Variants in PRAG1 observed in about 807,000 individuals in gnomAD.
PRAG1 encodes PEAK1 related, kinase-activating pseudokinase 1.
In PRAG1, 110 loss-of-function variants were observed where a neutral mutation model predicts 95.6. The observed-to-expected ratio is 1.15, with a 90% CI of 0.99 to 1.35. The LOEUF (loss-of-function observed/expected upper bound fraction) is 1.35, where lower values mean the gene tolerates loss of function less well. PRAG1 is among the 40% of genes most tolerant of loss of function. PRAG1 has a pLI of 0.00. For missense variants in PRAG1, 2,554 were observed against 1,864.7 expected, an observed-to-expected ratio of 1.37 and a Z score of -6.81; for synonymous variants, 1,052 against 819.4, an observed-to-expected ratio of 1.28 and a Z score of -4.85.
chr8:8,339,626 T>C lies in PRAG1; in HGVS notation c.2172A>G (p.Leu724=), dbSNP rs1470267722. The stretch of plus-strand genomic sequence containing the variant: ...AATCAGAGCTGCTCTTGTTCATTTT[T>C]AGAAGGTGCCTGGAAAAGGTAGGAA... ...PPPPPKSRHL[L]KMNKSSSDLE... is the part of the protein sequence containing the mutation. Residue 724 remains leucine, a synonymous_variant, in exon 4 of 6, where the codon CTA becomes CTG. Coordinates refer to ENST00000615670, the MANE Select transcript of PRAG1 (RefSeq NM_001080826.3). 8 of 1,611,642 alleles carry C rather than the reference T, an allele frequency of 5.0e-6. No homozygotes were observed. Among genetic ancestry groups the C allele is most frequent in the Non-Finnish European group, 6.8e-6 (8 of 1,177,892 alleles).
intron 3 of PRAG1, among the ~76,000 whole-genome samples, chr8:8,351,194 A>T (rs1268685077): frequency 6.6e-6 from 1 of 152,192 alleles, no homozygotes; most frequent in South Asian, 2.1e-4. Flanking sequence ...GGCAGAAGGC[A>T]AATGGGGAGT....
At chr8:8,339,768 A>C in intron 3 of PRAG1, 133 bp from the exon 4 acceptor site, 1 of 775,980 alleles carries the variant, frequency 1.3e-6, no homozygotes, top group South Asian at 2.1e-5. Flanking sequence ...GAAAAAAAAA[A>C]GATTTTGGGG....
intron 4 of PRAG1, among the ~76,000 whole-genome samples, chr8:8,334,925 T>C (rs1200586376): frequency 1.3e-5 from 2 of 151,738 alleles, no homozygotes; most frequent in Non-Finnish European, 2.9e-5. Flanking sequence ...CTACTAAAAA[T>C]AGAAAAATTA....
intron 3 of PRAG1, among the ~76,000 whole-genome samples, chr8:8,363,223 T>C (rs1057045586): frequency 6.6e-6 from 1 of 151,992 alleles, no homozygotes; most frequent in African/African-American, 2.4e-5. Flanking sequence ...TTATGACTTA[T>C]TCCTTAATAA....
intron 5 of PRAG1, 66 bp from the exon 6 acceptor site, chr8:8,319,368 A>G: frequency 7.2e-7 from 1 of 1,381,536 alleles, no homozygotes; most frequent in Non-Finnish European, 9.7e-7. Flanking sequence ...AAGAGTGTGG[A>G]AACATTTGAG....
chr8:8,332,981 G>A (rs1330293358), intron 4 of PRAG1, among the ~76,000 whole-genome samples: 7 of 152,194 alleles, frequency 4.6e-5, no homozygotes, highest in Admixed American at 6.5e-5. Context: ...ATACTTCCGA[G>A]TTCACAGGCA....
At chr8:8,368,095 A>C (rs1456578596) in intron 3 of PRAG1, among the ~76,000 whole-genome samples, 1 of 152,266 alleles carries the variant, frequency 6.6e-6, no homozygotes, top group East Asian at 1.9e-4. Context: ...AAGTTATCAT[A>C]GCACAAGTAT....
chr8:8,371,006 C>T (rs527448810), intron 3 of PRAG1, among the ~76,000 whole-genome samples: 3 of 151,824 alleles, frequency 2.0e-5, no homozygotes, highest in Admixed American at 6.6e-5. Context: ...TGCGTGGTGG[C>T]GCACCTGTAA....
At chr8:8,378,844 T>G (rs1800531277) in intron 2 of PRAG1, among the ~76,000 whole-genome samples, 1 of 134,892 alleles carries the variant, frequency 7.4e-6, no homozygotes, top group Non-Finnish European at 1.5e-5. Flanking sequence ...TGGGCGACAA[T>G]GCCAGACCCT....
At chr8:8,371,525 C>CTAGGA (rs1462051128) in intron 3 of PRAG1, among the ~76,000 whole-genome samples, 2 of 152,122 alleles carry the variant, frequency 1.3e-5, no homozygotes, top group East Asian at 4.0e-4. Flanking sequence ...TACCAAAGTG[C>CTAGGA]TAGGATTACA....
chr8:8,358,049 G>A (rs1357833188), intron 3 of PRAG1, among the ~76,000 whole-genome samples: 2 of 152,118 alleles, frequency 1.3e-5, no homozygotes, highest in African/African-American at 2.4e-5. Context: ...AGTTTCAGAA[G>A]ACTTCCCCCT....
Position 8,327,864 on chromosome 8 carries a change from A to C in PRAG1, c.2918T>G (p.Leu973Arg). The change falls in exon 5 of 6, where the codon CTC becomes CGC. Residue 973 changes from leucine (L) to arginine (R), a missense_variant. Coordinates refer to ENST00000615670, the MANE Select transcript of PRAG1 (RefSeq NM_001080826.3). ...CTCCTTTTTCTGGCCGCCCATGAAGAGGTCCTCACATTTGGCTACAAGGCG... is the reference window on the plus strand; with the variant it reads ...CTCCTTTTTCTGGCCGCCCATGAAGCGGTCCTCACATTTGGCTACAAGGCG... ...LARLVAKCED[L>R]FMGGQKKELH... is the part of the protein sequence containing the mutation. The C allele has an allele frequency of 6.2e-7, 1 of 1,614,202 alleles. No homozygotes were observed. The highest frequency in any genetic ancestry group is 1.3e-5 in the African/African-American group (1 of 75,052).
rs759223641 is a variant in PRAG1 at position 8,319,277 on chromosome 8, G to T, written c.3098C>A (p.Thr1033Lys). 2.1e-5 allele frequency: 32 copies of T among 1,520,324 alleles called. No individual in the cohort carries two copies. Among genetic ancestry groups the T allele is most frequent in the Non-Finnish European group, 2.6e-5 (29 of 1,129,904 alleles). 94.2% of individuals were successfully genotyped at this position (1,520,324 alleles called of 1,614,324 possible). ...CACGGACGGGCTGCAGTAGGAGACT[G>T]TTTTGGGCTCAGGGGCTTTGCAGAT... The part of the protein sequence containing the change: ...VKICKAPEPK[T>K]VSYCSPSVPV... Residue 1033 changes from threonine (T) to lysine (K), a missense_variant, in exon 6 of 6, where the codon ACA becomes AAA. Physicochemically the swap from Thr to Lys is moderately conservative, Grantham distance 78 (BLOSUM62 -1). Transcript: ENST00000615670.
At chr8:8,336,021 T>C (rs1228681245) in intron 4 of PRAG1, among the ~76,000 whole-genome samples, 1 of 152,218 alleles carries the variant, frequency 6.6e-6, no homozygotes, top group African/African-American at 2.4e-5. Flanking sequence ...TTAATTAGTG[T>C]TCTGTATCTC....
intron 2 of PRAG1, among the ~76,000 whole-genome samples, chr8:8,378,524 A>G (rs936903422): frequency 2.0e-5 from 3 of 152,162 alleles, no homozygotes; most frequent in African/African-American, 4.8e-5. Flanking sequence ...ATCACAGTGC[A>G]TGCCTGAAGA....
In PRAG1 at chr8:8,317,973, C is replaced by T. The variant is rs889003015; in HGVS notation, c.*181G>A. 7.0e-6 allele frequency: 3 copies of T among 425,582 alleles called. No homozygotes were observed. 26.4% of individuals were successfully genotyped at this position (425,582 alleles called of 1,614,324 possible). On this transcript the variant is annotated 3_prime_UTR_variant, in exon 6 of 6. Transcript: ENST00000615670. ...GGAGACGAGTGTGGACGGGCAACAG[C>T]ATCCTTAGTCTTTCATATTTATATA...
intron 4 of PRAG1, 70 bp downstream of exon 4, chr8:8,339,408 C>A (rs1799095305): frequency 1.3e-6 from 2 of 1,528,478 alleles, no homozygotes; most frequent in Non-Finnish European, 1.8e-6. Flanking sequence ...TCCAATCCCG[C>A]AAGCAACGCA....
chr8:8,318,342 C>T lies in PRAG1; in HGVS notation c.4033G>A (p.Glu1345Lys), dbSNP rs781653063. The T allele has an allele frequency of 4.3e-6, 7 of 1,613,954 alleles. No individual in the cohort carries two copies. The Admixed American group carries it at 8.3e-5, about 19-fold the overall frequency. ...ELVQQPGTSE[E>K]ALCGTLHNWI... ...TTGTGCAGCGTGCCGCACAGCGCCT[C>T]CTCCGAGGTGCCCGGCTGCTGCACC... Residue 1345 changes from glutamate to lysine, a missense_variant, in exon 6 of 6, where the codon GAG (glutamate) becomes AAG (lysine). Glu to Lys is a moderately conservative substitution (Grantham distance 56). Coordinates refer to ENST00000615670, the MANE Select transcript of PRAG1 (RefSeq NM_001080826.3). The surrounding 1 kb of genome is among the most constrained non-coding windows in gnomAD (Gnocchi z 4.2).
chr8:8,344,195 T>G (rs1385615844), intron 3 of PRAG1, among the ~76,000 whole-genome samples: 4 of 152,192 alleles, frequency 2.6e-5, no homozygotes, highest in Non-Finnish European at 5.9e-5. Flanking sequence ...GTTCACAACG[T>G]TACAAATAGC....
Sources: allele counts gnomAD v4.1 joint callset (sites outside exome capture counted in the v4.1 genomes callset), GRCh38; gene constraint gnomAD v4.1.1; non-coding constraint Gnocchi (gnomAD v3.1); transcripts MANE v1.5; gene names NCBI Gene and HGNC (gene_info 2026-07-23, HGNC 2026-07-21).